The following SCAPER variants were observed in gnomAD, a reference collection of about 807,000 sequenced individuals.
SCAPER encodes S phase cyclin A-associated protein in the endoplasmic reticulum.
In SCAPER, 98 loss-of-function variants were observed where a neutral mutation model predicts 182.2. The ratio of observed to expected loss-of-function variants is 0.54; its 90% CI spans 0.46 to 0.64. SCAPER has a LOEUF of 0.64. Ranked by LOEUF, SCAPER falls within the 30% of genes least tolerant of loss-of-function variation. The pLI, the probability that SCAPER is intolerant of heterozygous loss-of-function variation, is 0.00. For missense variants in SCAPER, 1,432 were observed against 1,690.0 expected (o/e 0.85, Z 2.68); for synonymous variants, 605 against 564.6 (o/e 1.07, Z -1.01).
chr15:76,461,344 T>A (rs2049159005), intron 25 of SCAPER, among the ~76,000 whole-genome samples: 1 of 151,860 alleles, frequency 6.6e-6, no homozygotes, highest in Admixed American at 6.6e-5. Flanking sequence ...TTTTTTTTTT[T>A]TACAAAAAAG....
chr15:76,387,015 A>G (rs1486349462), intron 27 of SCAPER, among the ~76,000 whole-genome samples: 1 of 152,226 alleles, frequency 6.6e-6, no homozygotes, highest in African/African-American at 2.4e-5. Context: ...AGGCTGCTTT[A>G]ATCATCCAAG....
At chr15:76,656,029 C>T (rs535038246) in intron 21 of SCAPER, among the ~76,000 whole-genome samples, 11 of 152,196 alleles carry the variant, frequency 7.2e-5, no homozygotes, top group African/African-American at 2.6e-4. Flanking sequence ...CAGCTAACAA[C>T]GTGACAGGAT....
At chr15:76,855,478 A>G (rs2071257768) in intron 4 of SCAPER, among the ~76,000 whole-genome samples, 1 of 144,108 alleles carries the variant, frequency 6.9e-6, no homozygotes, top group Non-Finnish European at 1.5e-5. Context: ...AAAAAAAAAA[A>G]GTAAACAACT....
At chr15:76,701,706 C>T (rs1390310045) in intron 20 of SCAPER, 52 bp downstream of exon 20, 1 of 1,340,502 alleles carries the variant, frequency 7.5e-7, no homozygotes, top group Non-Finnish European at 1.1e-6. Context: ...AATAAAACAG[C>T]ACATATTGGG....
chr15:76,447,060 T>C (rs2048050651), intron 25 of SCAPER, among the ~76,000 whole-genome samples: 1 of 152,180 alleles, frequency 6.6e-6, no homozygotes, highest in African/African-American at 2.4e-5. Flanking sequence ...ATGATGTTTG[T>C]TAGGTCTGGT....
chr15:76,733,657 G>C (rs1437670819), intron 15 of SCAPER, among the ~76,000 whole-genome samples: 1 of 152,076 alleles, frequency 6.6e-6, no homozygotes, highest in African/African-American at 2.4e-5. Flanking sequence ...GGGAGGCAGA[G>C]GCAGGAGAAT....
chr15:76,517,427 G>A (rs2042517613), intron 23 of SCAPER, among the ~76,000 whole-genome samples: 1 of 149,576 alleles, frequency 6.7e-6, no homozygotes, highest in African/African-American at 2.5e-5. Flanking sequence ...TTGACTCACT[G>A]CAACCTCTGC....
chr15:76,597,153 T>C (rs1412102045), intron 22 of SCAPER, among the ~76,000 whole-genome samples: 1 of 121,866 alleles, frequency 8.2e-6, no homozygotes, highest in East Asian at 2.2e-4. Flanking sequence ...CAAGCATTCC[T>C]ATACACCAAT....
rs551154045 is a variant in SCAPER at position 76,754,469 on chromosome 15, T to C, written c.1726-521A>G. Among the ~76,000 whole-genome samples, 5 of 152,076 alleles carry C rather than the reference T, an allele frequency of 3.3e-5. No homozygotes were observed. The South Asian group carries it at 1.0e-3, about 32-fold the overall frequency. On this transcript the variant is annotated intron_variant, in intron 14 of 31. Transcript: ENST00000563290. Reference sequence around the variant, plus strand: ...ATCACATTATTTGCATAAGAAACATTCTCTGAAGGAACAGAGAGGGTTTCA... The same window carrying C: ...ATCACATTATTTGCATAAGAAACATCCTCTGAAGGAACAGAGAGGGTTTCA...
chr15:76,839,217 T>A (rs917759055), intron 5 of SCAPER, among the ~76,000 whole-genome samples: 1 of 152,212 alleles, frequency 6.6e-6, no homozygotes, highest in African/African-American at 2.4e-5. Flanking sequence ...ATTACATATA[T>A]GTGTTATTAA....
At chr15:76,656,861 A>T (rs1256899550) in intron 21 of SCAPER, among the ~76,000 whole-genome samples, 2 of 152,204 alleles carry the variant, frequency 1.3e-5, no homozygotes, top group Non-Finnish European at 2.9e-5. Flanking sequence ...AGAAAAAAAG[A>T]TATGACATAC....
chr15:76,425,553 G>T (rs2046361727), intron 26 of SCAPER, among the ~76,000 whole-genome samples: 2 of 152,022 alleles, frequency 1.3e-5, no homozygotes, highest in Non-Finnish European at 2.9e-5. Flanking sequence ...TTTTTGCAGT[G>T]GGTTCGAACT....
At chr15:76,502,948 C>T (rs1399307393) in intron 24 of SCAPER, among the ~76,000 whole-genome samples, 1 of 152,102 alleles carries the variant, frequency 6.6e-6, no homozygotes, top group East Asian at 1.9e-4. Flanking sequence ...GAGATAAGCA[C>T]CAGAACAACA....
chr15:76,497,989 C>CAAAAAA lies in SCAPER; in HGVS notation c.2954+6864_2954+6869dup, dbSNP rs747096625. On this transcript the variant is annotated intron_variant, in intron 24 of 31. Coordinates refer to ENST00000563290, the MANE Select transcript of SCAPER (RefSeq NM_020843.4). ...CTGGTGATGGAGCGAGACTCCGTCT[C>CAAAAAA]AAAAAAAAAAAAAAAAAAAAAAAAA... Among the ~76,000 whole-genome samples the CAAAAAA allele has an allele frequency of 8.5e-3, 494 of 58,286 alleles. 88 individuals are homozygous for CAAAAAA. The highest frequency in any genetic ancestry group is 0.017 in the East Asian group (29 of 1,688). The allele number at this position is 58,286 out of a possible 152,430, so 38.2% of individuals were successfully genotyped here. A position where few individuals can be genotyped will look rare whatever the true frequency, so the allele number is the denominator to read the frequency against.
chr15:76,357,911 G>C (rs892283856), intron 29 of SCAPER, among the ~76,000 whole-genome samples: 1 of 152,170 alleles, frequency 6.6e-6, no homozygotes, highest in East Asian at 1.9e-4. Context: ...AACATAGAGA[G>C]TGAAAGAACA....
intron 21 of SCAPER, among the ~76,000 whole-genome samples, chr15:76,638,791 G>T (rs752451763): frequency 5.3e-5 from 8 of 152,038 alleles, no homozygotes; most frequent in Non-Finnish European, 7.4e-5. Context: ...TTATGTATTT[G>T]GCTGTTTCCT....
chr15:76,813,304 G>T lies in SCAPER; in HGVS notation c.394-8671C>A, dbSNP rs112401412. Among the ~76,000 whole-genome samples, 1,098 of 137,932 alleles carry T rather than the reference G, an allele frequency of 8.0e-3. 10 individuals carry two copies. The highest frequency in any genetic ancestry group is 0.029 in the African/African-American group (1,045 of 35,686). The allele number at this position is 137,932 out of a possible 152,430, so 90.5% of individuals were successfully genotyped here. On this transcript the variant is annotated intron_variant, in intron 5 of 31. Coordinates refer to ENST00000563290, the MANE Select transcript of SCAPER (RefSeq NM_020843.4). ...AGGAAATTTCCTCAATATAGTAGAA[G>T]TCATGTATGAAAAACGAACAGCTAA...
Position 76,858,976 on chromosome 15 carries a change from G to C in SCAPER, c.125-1097C>G, listed in dbSNP as rs539822172. The stretch of plus-strand genomic sequence containing the variant: ...TATGGTAGAACAATTTATATTCTTT[G>C]AGTATATACTCAGTAATTAGACTGC... On this transcript the variant is annotated intron_variant, in intron 3 of 31. Coordinates refer to ENST00000563290, the MANE Select transcript of SCAPER (RefSeq NM_020843.4). 2.6e-5 allele frequency among the ~76,000 whole-genome samples: 4 copies of C among 152,130 alleles called. No individual in the cohort carries two copies. In the South Asian group the frequency reaches 8.3e-4, roughly 32 times the overall value.
rs749029145 is a variant in SCAPER at position 76,775,028 on chromosome 15, C to T, written c.862G>A (p.Ala288Thr). The change falls in exon 9 of 32, where the codon GCA (alanine) becomes ACA (threonine). Residue 288 changes from alanine (A) to threonine (T), a missense_variant. By Grantham distance (58) the Ala-to-Thr change is moderately conservative (BLOSUM62 0). Transcript: ENST00000563290. ...STAVMPKVSL[A>T]TEATRSKDDS... ...TCCTTTGATCTTGTGGCTTCTGTTG[C>T]CAATGAAACTTTTGGCATCACTGCT... 8.7e-6 allele frequency: 14 copies of T among 1,613,656 alleles called. No homozygotes were observed. Among genetic ancestry groups the T allele is most frequent in the Non-Finnish European group, 8.5e-6 (10 of 1,179,788 alleles).
Sources: allele counts gnomAD v4.1 joint callset (sites outside exome capture counted in the v4.1 genomes callset), GRCh38; gene constraint gnomAD v4.1.1; transcripts MANE v1.5; gene names NCBI Gene and HGNC (gene_info 2026-07-23, HGNC 2026-07-21).